The following UBE2L3 variants were observed in gnomAD, a reference collection of about 807,000 sequenced individuals.
The protein encoded by UBE2L3 is ubiquitin conjugating enzyme E2 L3.
Under a neutral mutation model 17.8 loss-of-function variants are expected in UBE2L3, and 1 was observed. The observed-to-expected ratio is 0.06, with a 90% CI of 0.02 to 0.27. The LOEUF (loss-of-function observed/expected upper bound fraction) is 0.27. UBE2L3 is among the 10% of genes least tolerant of loss of function. UBE2L3 has a pLI of 1.00. For missense variants in UBE2L3, 40 were observed against 192.6 expected, an observed-to-expected ratio of 0.21 and a Z score of 4.69; for synonymous variants, 44 against 68.5, an observed-to-expected ratio of 0.64 and a Z score of 1.76.
At chr22:21,606,492 A>T (rs987526848) in intron 2 of UBE2L3, among the ~76,000 whole-genome samples, 2 of 152,170 alleles carry the variant, frequency 1.3e-5, no homozygotes, top group African/African-American at 4.8e-5. Flanking sequence ...ACATGGCTCA[A>T]GCAGTGTAAA....
At chr22:21,621,473 G>T (rs1337234765) in intron 3 of UBE2L3, 42 bp from the exon 4 acceptor site, 3 of 1,540,908 alleles carry the variant, frequency 1.9e-6, no homozygotes, top group Non-Finnish European at 2.6e-6. Context: ...TGCCATTTCT[G>T]AGACTGTGTT....
chr22:21,558,656 AT>A (rs131646), intron 1 of UBE2L3, among the ~76,000 whole-genome samples: 2,798 of 146,004 alleles, frequency 0.019, 21 homozygotes, highest in South Asian at 0.096. Context: ...AAAACACTTA[AT>A]TTTTTTTTTT....
chr22:21,610,122 C>T (rs1314076300), intron 2 of UBE2L3, among the ~76,000 whole-genome samples: 1 of 152,142 alleles, frequency 6.6e-6, no homozygotes, highest in East Asian at 1.9e-4. Context: ...GATTCAGTGG[C>T]AACTGAGGGC....
upstream of UBE2L3, among the ~76,000 whole-genome samples, chr22:21,563,374 AC>A (rs545391737): frequency 3.3e-3 from 489 of 147,276 alleles, 4 homozygotes; most frequent in African/African-American, 0.012. Context: ...ACACAGTGAA[AC>A]CCCATCTCTA....
At chr22:21,603,172 A>G (rs1340613275) in intron 2 of UBE2L3, among the ~76,000 whole-genome samples, 1 of 152,164 alleles carries the variant, frequency 6.6e-6, no homozygotes, top group Non-Finnish European at 1.5e-5. Flanking sequence ...ATACAGGAAA[A>G]TGTTAGCCAT....
intron 2 of UBE2L3, among the ~76,000 whole-genome samples, chr22:21,595,626 G>A (rs1246603471): frequency 2.0e-5 from 3 of 152,202 alleles, no homozygotes; most frequent in African/African-American, 4.8e-5. Flanking sequence ...TGTTGCCAAC[G>A]CAACTCTGGT....
At chr22:21,564,313 C>T (rs1926558583), upstream of UBE2L3, among the ~76,000 whole-genome samples, 1 of 152,166 alleles carries the variant, frequency 6.6e-6, no homozygotes, top group African/African-American at 2.4e-5. Flanking sequence ...GGATTACAGG[C>T]ATGAGTCACC....
At chr22:21,611,354 A>T (rs1929466727) in intron 3 of UBE2L3, among the ~76,000 whole-genome samples, 1 of 152,292 alleles carries the variant, frequency 6.6e-6, no homozygotes, top group African/African-American at 2.4e-5. Context: ...GGAAGGGATG[A>T]AGGACTGTGG....
chr22:21,611,491 G>A (rs1601438523), intron 3 of UBE2L3, among the ~76,000 whole-genome samples: 1 of 152,230 alleles, frequency 6.6e-6, no homozygotes, highest in East Asian at 1.9e-4. Context: ...AAGGGCATGG[G>A]CTAGAGCCTA....
At chr22:21,584,695 G>A (rs1352659716) in intron 1 of UBE2L3, among the ~76,000 whole-genome samples, 1 of 149,976 alleles carries the variant, frequency 6.7e-6, no homozygotes, top group Non-Finnish European at 1.5e-5. Context: ...GCAACCCAAA[G>A]TGCTGGGATT....
intron 2 of UBE2L3, among the ~76,000 whole-genome samples, chr22:21,597,167 A>T (rs1928576586): frequency 6.6e-6 from 1 of 151,816 alleles, no homozygotes; most frequent in South Asian, 2.1e-4. Context: ...TTTGGTAGAG[A>T]CAGGGTTTTA....
chr22:21,621,431 G>A, intron 3 of UBE2L3, 84 bp from the exon 4 acceptor site: 1 of 1,470,896 alleles, frequency 6.8e-7, no homozygotes, highest in Non-Finnish European at 9.0e-7. Context: ...TAAAGCCAGA[G>A]TTTTGTTCCC....
intron 1 of UBE2L3, among the ~76,000 whole-genome samples, chr22:21,590,608 GTTTC>G (rs1928203982): frequency 6.6e-6 from 1 of 152,150 alleles, no homozygotes; most frequent in African/African-American, 2.4e-5. Flanking sequence ...CTTCACTGTT[GTTTC>G]TTCTTTTTTT....
chr22:21,607,685 A>G (rs1488326858), intron 2 of UBE2L3, among the ~76,000 whole-genome samples: 3 of 152,072 alleles, frequency 2.0e-5, no homozygotes, highest in African/African-American at 7.2e-5. Flanking sequence ...GGGAGAGGCC[A>G]AAAGACTCTT....
chr22:21,568,968 C>A (rs1369294762), intron 1 of UBE2L3, among the ~76,000 whole-genome samples: 1 of 152,192 alleles, frequency 6.6e-6, no homozygotes, highest in Non-Finnish European at 1.5e-5. Flanking sequence ...CAGAGGACTT[C>A]AGACCTCTCC....
At chr22:21,582,102 A>G (rs979636733) in intron 1 of UBE2L3, among the ~76,000 whole-genome samples, 5 of 150,786 alleles carry the variant, frequency 3.3e-5, no homozygotes, top group African/African-American at 9.7e-5. Flanking sequence ...TCTGGGTGAC[A>G]GAGTGAGACT....
At chr22:21,608,691 C>G (rs1399759746) in intron 2 of UBE2L3, among the ~76,000 whole-genome samples, 2 of 151,228 alleles carry the variant, frequency 1.3e-5, no homozygotes, top group African/African-American at 4.9e-5. Flanking sequence ...TCCCAAAGTG[C>G]TGGGATTACA....
chr22:21,583,023 TAAAC>T (rs1927731983), intron 1 of UBE2L3, among the ~76,000 whole-genome samples: 1 of 152,180 alleles, frequency 6.6e-6, no homozygotes, highest in Non-Finnish European at 1.5e-5. Context: ...ATAGGGGTAT[TAAAC>T]AGCCCCCAGG....
chr22:21,556,233 A>T (rs1157831132), intron 1 of UBE2L3, among the ~76,000 whole-genome samples: 1 of 152,210 alleles, frequency 6.6e-6, no homozygotes, highest in Non-Finnish European at 1.5e-5. Context: ...CCTGTTTCTA[A>T]AACAAACAAA....
Sources: gnomAD v4.1 joint callset for allele counts (sites outside exome capture counted in the v4.1 genomes callset) on GRCh38, gnomAD v4.1.1 for gene constraint, MANE v1.5 for transcripts, NCBI Gene and HGNC (gene_info 2026-07-23, HGNC 2026-07-21) for gene names.